Variants in SUPT6H observed in about 807,000 individuals in gnomAD.
The protein encoded by SUPT6H is SPT6 homolog, histone chaperone and transcription elongation factor.
In SUPT6H, 11 loss-of-function variants were observed where a neutral mutation model predicts 222.3. The ratio of observed to expected loss-of-function variants is 0.05; its 90% CI spans 0.03 to 0.08. The LOEUF (loss-of-function observed/expected upper bound fraction) is 0.08, where lower values mean the gene tolerates loss of function less well. Among genes scored for constraint, SUPT6H ranks in the 10% least tolerant of loss-of-function variants. The pLI, the probability that SUPT6H is intolerant of heterozygous loss-of-function variation, is 1.00. For synonymous variants in SUPT6H, 762 were observed against 801.2 expected, an observed-to-expected ratio of 0.95 and a Z score of 0.83; for missense variants, 1,422 against 2,216.0, an observed-to-expected ratio of 0.64 and a Z score of 7.19.
intron 19 of SUPT6H, among the ~76,000 whole-genome samples, chr17:28,685,640 C>T (rs925204654): frequency 6.6e-5 from 10 of 152,076 alleles, no homozygotes; most frequent in Admixed American, 5.2e-4. Context: ...TGCACCACCA[C>T]GCCTGTCTAA....
intron 1 of SUPT6H, chr17:28,672,835 C>T (rs549362876): frequency 6.6e-6 from 1 of 152,326 alleles, no homozygotes; most frequent in African/African-American, 2.4e-5. Flanking sequence ...CCTGAGTAGC[C>T]TGGCTTTTGC....
intron 6 of SUPT6H, 77 bp from the exon 7 acceptor site, chr17:28,676,080 T>G (rs886719666): frequency 3.8e-5 from 56 of 1,483,038 alleles, no homozygotes; most frequent in Non-Finnish European, 4.8e-5. Context: ...TTGGGACAAG[T>G]AAAGGATCTA....
At position 28,687,394 on chromosome 17, in the gene SUPT6H, A is replaced by G. The variant is rs1342139265; in HGVS notation, c.2929A>G (p.Ile977Val). Reference sequence around the variant, plus strand: ...GGTCGGGGTCGATGTCAACCGTGCCATTGCCCACCCTTACAGCCAGGCCTT... The same window carrying G: ...GGTCGGGGTCGATGTCAACCGTGCCGTTGCCCACCCTTACAGCCAGGCCTT... ...NEVGVDVNRAIAHPYSQALIQ... is the reference protein window; with the variant it reads ...NEVGVDVNRAVAHPYSQALIQ... Residue 977 changes from isoleucine to valine, a missense_variant, in exon 23 of 37, where the codon ATT becomes GTT. Physicochemically the swap from Ile to Val is conservative, Grantham distance 29 (BLOSUM62 3). Around this residue, in one of 13 missense-constraint regions of SUPT6H, gnomAD observed 294 missense variants for 382.1 expected, o/e 0.77. Coordinates refer to ENST00000314616, the MANE Select transcript of SUPT6H (RefSeq NM_003170.5). 6.2e-7 allele frequency: 1 copy of G among 1,614,054 alleles called. No individual in the cohort carries two copies. Among genetic ancestry groups the G allele is most frequent in the African/African-American group, 1.3e-5 (1 of 74,898 alleles).
chr17:28,688,084 C>T lies in SUPT6H; in HGVS notation c.3007-7C>T, dbSNP rs1310694023. 1 of 1,608,616 alleles carries T rather than the reference C, an allele frequency of 6.2e-7. No homozygotes were observed. Among genetic ancestry groups the T allele is most frequent in the East Asian group, 2.2e-5 (1 of 44,706 alleles). ...CTGCCCTGGCTCAGTCCAGCTCTCT[C>T]CCCCAGATCCTGAAGCAGAACAACA... On this transcript the variant is annotated splice_polypyrimidine_tract_variant and splice_region_variant and intron_variant, in intron 23 of 36. Coordinates refer to ENST00000314616, the MANE Select transcript of SUPT6H (RefSeq NM_003170.5). This position sits in a 1 kb window ranked among gnomAD's most constrained non-coding sequence, Gnocchi z 4.3.
chr17:28,682,382 T>C (rs898829487), intron 13 of SUPT6H, among the ~76,000 whole-genome samples: 25 of 152,262 alleles, frequency 1.6e-4, no homozygotes, highest in Non-Finnish European at 8.8e-5. Context: ...TCCCAGCACT[T>C]CGGAGGTCAA....
At chr17:28,683,477 G>A (rs2031224939) in intron 16 of SUPT6H, 55 bp downstream of exon 16, 1 of 1,605,506 alleles carries the variant, frequency 6.2e-7, no homozygotes. Context: ...GAGGAGTCTG[G>A]TGGAGGGAAG....
At position 28,701,039 on chromosome 17, in the gene SUPT6H, C is replaced by T; in HGVS notation, c.4905C>T (p.Tyr1635=). 1 of 1,614,174 alleles carries T rather than the reference C, an allele frequency of 6.2e-7. No homozygotes were observed. Among genetic ancestry groups the T allele is most frequent in the Non-Finnish European group, 8.5e-7 (1 of 1,180,002 alleles). The change falls in exon 36 of 37, where the codon TAC becomes TAT. Residue 1635 remains tyrosine (Y), a synonymous_variant. Coordinates refer to ENST00000314616, the MANE Select transcript of SUPT6H (RefSeq NM_003170.5). ...TPSQPITTPQ[Y]HQLQASTTPQ... ...GCCAGCCCATCACCACCCCTCAGTA[C>T]CACCAGCTCCAGGCCAGCACCACCC...
At chr17:28,668,303 A>G (rs2030210018) in intron 1 of SUPT6H, among the ~76,000 whole-genome samples, 1 of 152,224 alleles carries the variant, frequency 6.6e-6, no homozygotes, top group Non-Finnish European at 1.5e-5. Flanking sequence ...GATACCATGT[A>G]TTAATAATAA....
intron 8 of SUPT6H, 127 bp downstream of exon 8, chr17:28,677,943 A>G (rs1266789698): frequency 7.8e-7 from 1 of 1,289,244 alleles, no homozygotes; most frequent in East Asian, 2.3e-5. Flanking sequence ...ATGTAGTCCC[A>G]ACAAGTGTGT....
Position 28,681,309 on chromosome 17 carries a change from T to G in SUPT6H, c.1403T>G (p.Leu468Arg). ...DELKDVYNHF[L>R]LYYGRDIPKM... ...CTGAAAGATGTCTACAACCATTTTCTTCTTTATTATGGCCGAGACATCCCT... is the reference window on the plus strand; with the variant it reads ...CTGAAAGATGTCTACAACCATTTTCGTCTTTATTATGGCCGAGACATCCCT... Residue 468 changes from leucine (L) to arginine (R), a missense_variant, in exon 12 of 37, where the codon CTT (leucine) becomes CGT (arginine). Physicochemically the swap from Leu to Arg is moderately radical, Grantham distance 102. Coordinates refer to ENST00000314616, the MANE Select transcript of SUPT6H (RefSeq NM_003170.5). The G allele has an allele frequency of 6.2e-7, 1 of 1,614,088 alleles. No homozygotes were observed. The highest frequency in any genetic ancestry group is 8.5e-7 in the Non-Finnish European group (1 of 1,180,012).
chr17:28,692,873 C>T lies in SUPT6H; in HGVS notation c.3634-823C>T, dbSNP rs1222750570. ...AAAATTAGCTGGGCATGGTGGCGGGCGCTTGTAGTCCCAGCTACTCGGGAG... is the reference window on the plus strand; with the variant it reads ...AAAATTAGCTGGGCATGGTGGCGGGTGCTTGTAGTCCCAGCTACTCGGGAG... On this transcript the variant is annotated intron_variant, in intron 27 of 36. Transcript: ENST00000314616. 9.5e-5 allele frequency among the ~76,000 whole-genome samples: 14 copies of T among 147,142 alleles called. 1 individual carries two copies. Among genetic ancestry groups the T allele is most frequent in the Admixed American group, 8.8e-4 (13 of 14,724 alleles).
intron 36 of SUPT6H, 98 bp from the exon 37 acceptor site, chr17:28,701,341 G>C: frequency 6.7e-7 from 1 of 1,489,596 alleles, no homozygotes; most frequent in Non-Finnish European, 9.1e-7. Context: ...AGGGGCTGCT[G>C]CCCATAGGTA....
intron 19 of SUPT6H, among the ~76,000 whole-genome samples, 171 bp downstream of exon 19, chr17:28,685,132 C>T (rs1281525280): frequency 6.6e-6 from 1 of 152,152 alleles, no homozygotes; most frequent in Non-Finnish European, 1.5e-5. Flanking sequence ...AGATGGCACT[C>T]AAGTTATCTA....
Position 28,662,330 on chromosome 17 carries a change from G to A in SUPT6H, c.-44G>A, listed in dbSNP as rs1053498164. On this transcript the variant is annotated 5_prime_UTR_variant, in exon 1 of 37. Transcript: ENST00000314616. ...GGGCTTAGCGCACTGGAGGAGCGGC[G>A]GGCTTCAGACAGGTAAAGTTCCGAC... 9 of 162,652 alleles carry A rather than the reference G, an allele frequency of 5.5e-5. No homozygotes were observed. The South Asian group carries it at 1.2e-3, about 22-fold the overall frequency. The allele number at this position is 162,652 out of a possible 1,614,324, so 10.1% of individuals were successfully genotyped here. A position where few individuals can be genotyped will look rare whatever the true frequency, so the allele number is the denominator to read the frequency against.
intron 32 of SUPT6H, 49 bp downstream of exon 32, chr17:28,698,079 C>T: frequency 6.3e-7 from 1 of 1,583,006 alleles, no homozygotes; most frequent in East Asian, 2.2e-5. Context: ...CATAGGCAGG[C>T]TAGAAGGCAG....
At position 28,701,460 on chromosome 17, in the gene SUPT6H, C is replaced by T. The variant is rs982302567; in HGVS notation, c.5016C>T (p.Ile1672=). 7 of 1,613,996 alleles carry T rather than the reference C, an allele frequency of 4.3e-6. No individual in the cohort carries two copies. Among genetic ancestry groups the T allele is most frequent in the Admixed American group, 1.7e-5 (1 of 60,006 alleles). ...CCAGGTCCAACAGCCATGCAGCCAT[C>T]GACTGGGGAAAAATGGCGGAGCAGT... ...QQPKSNSHAA[I]DWGKMAEQWL... Residue 1672 remains isoleucine (I), a synonymous_variant, in exon 37 of 37, where the codon ATC becomes ATT. Transcript: ENST00000314616.
Position 28,701,723 on chromosome 17 carries a change from G to T in SUPT6H, c.*98G>T. The T allele has an allele frequency of 7.5e-7, 1 of 1,334,714 alleles. No individual in the cohort carries two copies. The allele number at this position is 1,334,714 out of a possible 1,614,324, so 82.7% of individuals were successfully genotyped here. A position where few individuals can be genotyped will look rare whatever the true frequency, so the allele number is the denominator to read the frequency against. ...CCCCTCCTTTTATGTCCATAAAGTG[G>T]CGTGAAGTGAGACGTTCTCTTTGGT... On this transcript the variant is annotated 3_prime_UTR_variant, in exon 37 of 37. Transcript: ENST00000314616.
intron 28 of SUPT6H, chr17:28,694,862 G>A (rs1283168569): frequency 6.5e-6 from 1 of 153,494 alleles, no homozygotes; most frequent in African/African-American, 2.4e-5. Flanking sequence ...AAATTAGCCG[G>A]GCATGGTGGC....
chr17:28,680,480 C>A (rs1355690179), intron 11 of SUPT6H, among the ~76,000 whole-genome samples: 1 of 149,200 alleles, frequency 6.7e-6, no homozygotes, highest in Non-Finnish European at 1.5e-5. Flanking sequence ...TGCCTGTGAT[C>A]CCAGCTCGCG....
Sources: gnomAD v4.1 joint callset for allele counts (sites outside exome capture counted in the v4.1 genomes callset) on GRCh38, gnomAD v4.1.1 for gene constraint, gnomAD v4.1.1 regional missense constraint, Gnocchi (gnomAD v3.1) non-coding constraint, MANE v1.5 for transcripts, NCBI Gene and HGNC (gene_info 2026-07-23, HGNC 2026-07-21) for gene names.